The following CPNE1 variants were observed in gnomAD, a reference collection of about 807,000 sequenced individuals.
The protein encoded by CPNE1 is copine 1.
CPNE1 carries 58 observed loss-of-function variants against 63.2 expected under a neutral mutation model. That is an observed-to-expected ratio of 0.92 (90% confidence interval 0.74 to 1.14). CPNE1 has a LOEUF of 1.14. CPNE1 is among the 50% of genes most tolerant of loss of function. The probability of loss-of-function intolerance (pLI) is 0.00; values close to 1 mark genes in which losing one functional copy is unlikely to be tolerated. For missense variants in CPNE1, 672 were observed against 661.7 expected (o/e 1.02, Z -0.17); for synonymous variants, 237 against 249.0 (o/e 0.95, Z 0.45).
At chr20:35,655,339 ACAC>A in intron 1 of CPNE1, 1 of 1,596,348 alleles carries the variant, frequency 6.3e-7, no homozygotes, top group Non-Finnish European at 8.5e-7. Context: ...CTGAAACCAC[ACAC>A]ACCTGCAGAT....
chr20:35,658,044 C>T (rs1042284473), intron 1 of CPNE1, among the ~76,000 whole-genome samples: 1 of 151,608 alleles, frequency 6.6e-6, no homozygotes, highest in Admixed American at 6.6e-5. Flanking sequence ...GAAACTCTGT[C>T]TCAAAAAGAA....
chr20:35,626,823 T>G lies in CPNE1; in HGVS notation c.1237-20A>C. On this transcript the variant is annotated intron_variant, in intron 14 of 15. Transcript: ENST00000397443. ...GTATTGCTGGGGACAAGCCCATTCATGTCCTGAAGCAGATCCTCCTCCTAA... is the reference window on the plus strand; with the variant it reads ...GTATTGCTGGGGACAAGCCCATTCAGGTCCTGAAGCAGATCCTCCTCCTAA... 1 of 1,595,932 alleles carries G rather than the reference T, an allele frequency of 6.3e-7. No individual in the cohort carries two copies. Among genetic ancestry groups the G allele is most frequent in the South Asian group, 1.1e-5 (1 of 90,734 alleles).
chr20:35,632,452 T>G, intron 3 of CPNE1, 65 bp downstream of exon 3: 2 of 1,603,338 alleles, frequency 1.2e-6, no homozygotes, highest in Non-Finnish European at 1.7e-6. Flanking sequence ...GCCCCCTACC[T>G]CCAGGCAGGC....
chr20:35,640,798 T>C (rs79300747), intron 1 of CPNE1, among the ~76,000 whole-genome samples: 5,705 of 152,234 alleles, frequency 0.037, 369 homozygotes, highest in African/African-American at 0.13. Flanking sequence ...AAAGGAGTGA[T>C]ACTCAAGGAT....
At position 35,627,312 on chromosome 20, in the gene CPNE1, C is replaced by G. The variant is rs1568906521; in HGVS notation, c.1204G>C (p.Ala402Pro). Residue 402 changes from alanine (A) to proline (P), a missense_variant, in exon 14 of 16, where the codon GCA becomes CCA. By Grantham distance (27) the Ala-to-Pro change is conservative. Coordinates refer to ENST00000397443, the MANE Select transcript of CPNE1 (RefSeq NM_152925.3). ...APIINHVARFAAQAAHQGTAS... is the reference protein window; with the variant it reads ...APIINHVARFPAQAAHQGTAS... ...GTCCCCTGATGTGCAGCCTGGGCTG[C>G]AAACCTGGCCACATGGTTGATGATG... The G allele has an allele frequency of 6.2e-7, 1 of 1,613,836 alleles. No individual in the cohort carries two copies. Among genetic ancestry groups the G allele is most frequent in the East Asian group, 2.2e-5 (1 of 44,868 alleles).
At position 35,626,815 on chromosome 20, in the gene CPNE1, C is replaced by T. The variant is rs774741725; in HGVS notation, c.1237-12G>A. 6.2e-7 allele frequency: 1 copy of T among 1,603,398 alleles called. No homozygotes were observed. Among genetic ancestry groups the T allele is most frequent in the Non-Finnish European group, 8.5e-7 (1 of 1,170,290 alleles). On this transcript the variant is annotated splice_polypyrimidine_tract_variant and intron_variant, in intron 14 of 15. Transcript: ENST00000397443. The stretch of plus-strand genomic sequence containing the variant: ...AGCATGAAGTATTGCTGGGGACAAG[C>T]CCATTCATGTCCTGAAGCAGATCCT...
At chr20:35,636,065 C>T (rs1392264088) in intron 1 of CPNE1, among the ~76,000 whole-genome samples, 1 of 152,174 alleles carries the variant, frequency 6.6e-6, no homozygotes, top group Admixed American at 6.5e-5. Context: ...AAGGCCTTAC[C>T]CTATCTCCCT....
At chr20:35,638,485 T>C (rs2032614638) in intron 1 of CPNE1, among the ~76,000 whole-genome samples, 1 of 152,096 alleles carries the variant, frequency 6.6e-6, no homozygotes, top group African/African-American at 2.4e-5. Context: ...TGGCTAAAAG[T>C]ATAATTAAAA....
chr20:35,636,679 C>A (rs1277795439), intron 1 of CPNE1, among the ~76,000 whole-genome samples: 1 of 152,066 alleles, frequency 6.6e-6, no homozygotes, highest in Non-Finnish European at 1.5e-5. Flanking sequence ...CACCTGTAGT[C>A]CCAGCTACTC....
rs770764469 is a variant in CPNE1, at chr20:35,631,273, A to G, written c.796T>C (p.Cys266Arg). The change falls in exon 9 of 16, where the codon TGT becomes CGT. Residue 266 changes from cysteine (C) to arginine (R), a missense_variant. Coordinates refer to ENST00000397443, the MANE Select transcript of CPNE1 (RefSeq NM_152925.3). ...KNSGTIRVKICRVETEYSFLD... is the reference protein window; with the variant it reads ...KNSGTIRVKIRRVETEYSFLD... The stretch of plus-strand genomic sequence containing the variant: ...TACATGGGCTTTTGTCTCACCCGAC[A>G]AATCTTGACACGGATAGTTCCAGAG... 1.4e-5 allele frequency: 23 copies of G among 1,614,200 alleles called. No homozygotes were observed. The highest frequency in any genetic ancestry group is 1.6e-4 in the Middle Eastern group (1 of 6,062).
chr20:35,649,428 C>G (rs746292091), intron 1 of CPNE1: 16 of 152,380 alleles, frequency 1.1e-4, no homozygotes, highest in Non-Finnish European at 1.9e-4. Context: ...AGATTTTCAT[C>G]CAGTGGGTTA....
intron 1 of CPNE1, among the ~76,000 whole-genome samples, chr20:35,643,744 A>T (rs2032955444): frequency 6.6e-6 from 1 of 152,132 alleles, no homozygotes; most frequent in South Asian, 2.1e-4. Flanking sequence ...AAACAAAAAA[A>T]CAACAAAGTA....
At chr20:35,629,791 T>C (rs6060520) in intron 13 of CPNE1, among the ~76,000 whole-genome samples, 10,329 of 152,008 alleles carry the variant, frequency 0.068, 432 homozygotes, top group South Asian at 0.18. Flanking sequence ...CCTGAGTAGC[T>C]AGAACTACAG....
At chr20:35,644,586 G>A (rs974808884) in intron 1 of CPNE1, among the ~76,000 whole-genome samples, 3 of 152,178 alleles carry the variant, frequency 2.0e-5, no homozygotes, top group Non-Finnish European at 4.4e-5. Flanking sequence ...TGAGGCCAGA[G>A]GGAAATAATC....
At chr20:35,630,595 A>G in intron 12 of CPNE1, 105 bp from the exon 13 acceptor site, 1 of 1,458,722 alleles carries the variant, frequency 6.9e-7, no homozygotes, top group South Asian at 1.1e-5. Flanking sequence ...TGGAGTCCTG[A>G]GCACTTGCTG....
At chr20:35,650,464 G>A (rs1042716515) in intron 1 of CPNE1, 20 of 152,560 alleles carry the variant, frequency 1.3e-4, no homozygotes, top group Admixed American at 5.9e-4. Context: ...AATATCTGTG[G>A]CTGAAATACA....
chr20:35,627,500 A>C (rs1217092525), intron 13 of CPNE1, 87 bp from the exon 14 acceptor site: 1 of 1,378,542 alleles, frequency 7.3e-7, no homozygotes, highest in African/African-American at 1.5e-5. Flanking sequence ...AGCCCAGGAG[A>C]TCTCGGAACC....
At chr20:35,656,798 C>T (rs1050619024) in intron 1 of CPNE1, among the ~76,000 whole-genome samples, 6 of 146,992 alleles carry the variant, frequency 4.1e-5, no homozygotes, top group Non-Finnish European at 7.7e-5. Context: ...TGAGCCACTG[C>T]GCCCCACCTG....
intron 1 of CPNE1, chr20:35,655,362 C>T (rs1366978449): frequency 6.4e-7 from 1 of 1,566,854 alleles, no homozygotes; most frequent in African/African-American, 1.4e-5. Context: ...TGAGAAAAGG[C>T]AACGGCCAGG....
Sources: gnomAD v4.1 joint callset for allele counts (sites outside exome capture counted in the v4.1 genomes callset) on GRCh38, gnomAD v4.1.1 for gene constraint, MANE v1.5 for transcripts, NCBI Gene and HGNC (gene_info 2026-07-23, HGNC 2026-07-21) for gene names.